Variants in TOX observed in about 807,000 individuals in gnomAD.
TOX encodes the protein thymocyte selection associated high mobility group box, also known as thymocyte selection-associated high mobility group box protein TOX.
A neutral mutation model predicts 53.7 loss-of-function variants in TOX; 11 were observed. The observed-to-expected ratio is 0.20, with a 90% CI of 0.13 to 0.34. The LOEUF is 0.34. Among genes scored for constraint, TOX ranks in the 10% least tolerant of loss-of-function variants. TOX has a pLI of 1.00. For synonymous variants in TOX, 225 were observed against 245.3 expected (o/e 0.92, Z 0.77); for missense variants, 570 against 664.6 (o/e 0.86, Z 1.56).
At chr8:58,987,653 A>G (rs1813358588) in intron 1 of TOX, among the ~76,000 whole-genome samples, 1 of 152,232 alleles carries the variant, frequency 6.6e-6, no homozygotes, top group Non-Finnish European at 1.5e-5. Flanking sequence ...CGACATGAAA[A>G]GTCAGAATTA....
At chr8:58,921,531 C>G (rs1316720881) in intron 3 of TOX, among the ~76,000 whole-genome samples, 2 of 152,180 alleles carry the variant, frequency 1.3e-5, no homozygotes, top group African/African-American at 4.8e-5. Context: ...GATCTTTCAG[C>G]TACACTTTCA....
intron 2 of TOX, among the ~76,000 whole-genome samples, chr8:58,958,461 C>A (rs1812746950): frequency 6.6e-6 from 1 of 152,174 alleles, no homozygotes; most frequent in Admixed American, 6.5e-5. Context: ...CACTTCAAAA[C>A]CCTAAAGGCA....
At chr8:58,891,563 T>C (rs1043053811) in intron 3 of TOX, among the ~76,000 whole-genome samples, 1 of 152,094 alleles carries the variant, frequency 6.6e-6, no homozygotes, top group Non-Finnish European at 1.5e-5. Flanking sequence ...ACCCTCCCCT[T>C]GTAATCACGC....
chr8:58,986,712 T>C (rs1041537987), intron 1 of TOX, among the ~76,000 whole-genome samples: 1 of 152,188 alleles, frequency 6.6e-6, no homozygotes, highest in Non-Finnish European at 1.5e-5. Flanking sequence ...AGAGTTCAAG[T>C]CTGGGCTCAT....
At chr8:59,082,950 TTTTG>T (rs1024246790) in intron 1 of TOX, among the ~76,000 whole-genome samples, 3 of 152,180 alleles carry the variant, frequency 2.0e-5, no homozygotes, top group African/African-American at 4.8e-5. Flanking sequence ...CATCGTTGTT[TTTTG>T]TTTGTTTGTT....
chr8:58,827,351 A>G (rs1201615542), intron 5 of TOX, among the ~76,000 whole-genome samples: 3 of 152,238 alleles, frequency 2.0e-5, no homozygotes, highest in African/African-American at 7.2e-5. Context: ...ATGACAAATC[A>G]TGTTCAATAA....
intron 5 of TOX, among the ~76,000 whole-genome samples, chr8:58,829,862 T>A (rs1410204258): frequency 1.3e-5 from 2 of 151,264 alleles, no homozygotes; most frequent in Non-Finnish European, 2.9e-5. Flanking sequence ...CAAAAAAAAA[T>A]CTCTCAAAAA....
chr8:59,025,649 C>A (rs973233433), intron 1 of TOX, among the ~76,000 whole-genome samples: 3 of 152,148 alleles, frequency 2.0e-5, no homozygotes, highest in Non-Finnish European at 4.4e-5. Flanking sequence ...CCTTCTCCCC[C>A]TAGTCTCTCA....
intron 1 of TOX, among the ~76,000 whole-genome samples, chr8:59,053,988 A>AT (rs1261960575): frequency 1.3e-5 from 2 of 152,172 alleles, no homozygotes; most frequent in Non-Finnish European, 2.9e-5. Flanking sequence ...TCTAGAATTA[A>AT]TTTTAACTAT....
chr8:58,858,401 C>G (rs1810951179), intron 3 of TOX, among the ~76,000 whole-genome samples: 1 of 152,242 alleles, frequency 6.6e-6, no homozygotes. Context: ...AGCAGACAAT[C>G]TATATCAAAA....
chr8:58,943,214 G>A (rs1336898069), intron 2 of TOX, among the ~76,000 whole-genome samples: 1 of 152,188 alleles, frequency 6.6e-6, no homozygotes. Context: ...AAGCTATGGA[G>A]CCTAACCCCC....
chr8:58,899,644 C>T (rs942870148), intron 3 of TOX, among the ~76,000 whole-genome samples: 7 of 152,022 alleles, frequency 4.6e-5, no homozygotes, highest in Admixed American at 6.6e-5. Flanking sequence ...TTACCAGGTT[C>T]GGCAACCCTA....
At chr8:58,902,425 T>C (rs1053296270) in intron 3 of TOX, among the ~76,000 whole-genome samples, 1 of 152,132 alleles carries the variant, frequency 6.6e-6, no homozygotes, top group Non-Finnish European at 1.5e-5. Context: ...AGGAGAATGA[T>C]TAGGCTCACA....
intron 2 of TOX, among the ~76,000 whole-genome samples, chr8:58,947,976 C>A (rs1227270791): frequency 6.6e-6 from 1 of 152,228 alleles, no homozygotes; most frequent in Non-Finnish European, 1.5e-5. Flanking sequence ...TCCCACCAAT[C>A]AAAGCAAACT....
intron 1 of TOX, among the ~76,000 whole-genome samples, chr8:58,981,716 T>A (rs1334183161): frequency 6.6e-6 from 1 of 152,118 alleles, no homozygotes; most frequent in Non-Finnish European, 1.5e-5. Context: ...CACAGAAAAG[T>A]CCACCCGAAC....
intron 1 of TOX, among the ~76,000 whole-genome samples, chr8:59,108,877 AT>A (rs1397847262): frequency 5.3e-5 from 8 of 152,154 alleles, no homozygotes; most frequent in Non-Finnish European, 8.8e-5. Flanking sequence ...TGTCTACCTA[AT>A]TTTAATGCAG....
At chr8:58,816,896 T>G (rs919892231) in intron 6 of TOX, among the ~76,000 whole-genome samples, 2 of 152,138 alleles carry the variant, frequency 1.3e-5, no homozygotes, top group African/African-American at 4.8e-5. Context: ...GGTAGCTTCA[T>G]TATCACCAGG....
intron 1 of TOX, among the ~76,000 whole-genome samples, chr8:59,060,194 C>G (rs1426255097): frequency 6.6e-6 from 1 of 152,192 alleles, no homozygotes. Flanking sequence ...TTAATTCCAT[C>G]AAGACAACAT....
chr8:59,073,703 G>A (rs1046230037), intron 1 of TOX, among the ~76,000 whole-genome samples: 1 of 152,030 alleles, frequency 6.6e-6, no homozygotes, highest in African/African-American at 2.4e-5. Context: ...CTATTTAATA[G>A]AAATCAAGAG....
Sources: allele counts gnomAD v4.1 joint callset (sites outside exome capture counted in the v4.1 genomes callset), GRCh38; gene constraint gnomAD v4.1.1; transcripts MANE v1.5; gene names NCBI Gene and HGNC (gene_info 2026-07-23, HGNC 2026-07-21).